NEGR1: variants seen among roughly 807,000 people sequenced by gnomAD.
The protein encoded by NEGR1 is IgLON family member 4.
NEGR1 carries 10 observed loss-of-function variants against 40.9 expected under a neutral mutation model. The observed-to-expected ratio is 0.24, with a 90% CI of 0.15 to 0.42. The LOEUF (loss-of-function observed/expected upper bound fraction) is 0.42, where lower values mean the gene tolerates loss of function less well. NEGR1 is among the 10% of genes least tolerant of loss of function. The probability of loss-of-function intolerance (pLI) is 1.00; values close to 1 mark genes in which losing one functional copy is unlikely to be tolerated. For synonymous variants in NEGR1, 185 were observed against 166.8 expected (o/e 1.11, Z -0.84); for missense variants, 352 against 438.9 (o/e 0.80, Z 1.77).
intron 1 of NEGR1, among the ~76,000 whole-genome samples, chr1:72,014,819 T>C (rs1183623154): frequency 6.6e-6 from 1 of 152,050 alleles, no homozygotes; most frequent in Non-Finnish European, 1.5e-5. Context: ...TATTTATTTA[T>C]CCACAAACAA....
chr1:72,114,256 G>T (rs1649496474), intron 1 of NEGR1, among the ~76,000 whole-genome samples: 1 of 151,302 alleles, frequency 6.6e-6, no homozygotes. Flanking sequence ...CATTCAATGG[G>T]TTAAAGGCCT....
At chr1:71,448,611 A>C (rs933178673) in intron 6 of NEGR1, among the ~76,000 whole-genome samples, 1 of 152,058 alleles carries the variant, frequency 6.6e-6, no homozygotes, top group African/African-American at 2.4e-5. Context: ...AGAAAAAAAA[A>C]ATGTCGCTGA....
intron 1 of NEGR1, among the ~76,000 whole-genome samples, chr1:72,169,147 T>G (rs548543646): frequency 6.6e-6 from 1 of 152,220 alleles, no homozygotes; most frequent in South Asian, 2.1e-4. Context: ...AGTTGGAAAA[T>G]TCAAGGAGTC....
At chr1:71,742,774 T>A (rs1655255781) in intron 3 of NEGR1, among the ~76,000 whole-genome samples, 1 of 152,186 alleles carries the variant, frequency 6.6e-6, no homozygotes, top group African/African-American at 2.4e-5. Flanking sequence ...GTGTTGATGT[T>A]GGAACACATC....
intron 1 of NEGR1, among the ~76,000 whole-genome samples, chr1:72,156,185 T>C (rs1469976025): frequency 6.6e-6 from 1 of 152,180 alleles, no homozygotes; most frequent in Non-Finnish European, 1.5e-5. Context: ...ATGTAACGTG[T>C]TCTGACTCTA....
At chr1:71,634,661 C>G (rs998426725) in intron 4 of NEGR1, among the ~76,000 whole-genome samples, 2 of 152,036 alleles carry the variant, frequency 1.3e-5, no homozygotes, top group South Asian at 4.1e-4. Flanking sequence ...GAAGGGGTAA[C>G]CTTGGAAACA....
intron 1 of NEGR1, among the ~76,000 whole-genome samples, chr1:72,100,235 G>A (rs956282252): frequency 1.2e-4 from 19 of 152,012 alleles, no homozygotes; most frequent in Admixed American, 1.1e-3. Flanking sequence ...ATTTTAAAAC[G>A]TCCCCATGGA....
chr1:71,958,334 A>G lies in NEGR1; in HGVS notation c.177-23023T>C, dbSNP rs182553000. 2.6e-3 allele frequency among the ~76,000 whole-genome samples: 390 copies of G among 152,340 alleles called. 1 individual carries two copies. Among genetic ancestry groups the G allele is most frequent in the South Asian group, 6.8e-3 (33 of 4,832 alleles). On this transcript the variant is annotated intron_variant, in intron 1 of 6. Transcript: ENST00000357731. Reference sequence around the variant, plus strand: ...GATTTCAAAATATATATTCATCTGCATCAGTATGTTAACTTAACCAGACAT... The same window carrying G: ...GATTTCAAAATATATATTCATCTGCGTCAGTATGTTAACTTAACCAGACAT...
At chr1:71,529,971 T>C (rs1647302682) in intron 6 of NEGR1, among the ~76,000 whole-genome samples, 1 of 151,244 alleles carries the variant, frequency 6.6e-6, no homozygotes, top group Admixed American at 6.6e-5. Flanking sequence ...GCATAAGTTA[T>C]GACTTCAGGA....
intron 1 of NEGR1, among the ~76,000 whole-genome samples, chr1:72,270,054 A>C (rs1032341042): frequency 6.6e-6 from 1 of 151,816 alleles, no homozygotes; most frequent in East Asian, 1.9e-4. Flanking sequence ...TTACAAGATA[A>C]TGAGAAAGGC....
chr1:71,881,079 C>T (rs1468076725), intron 2 of NEGR1, among the ~76,000 whole-genome samples: 1 of 151,880 alleles, frequency 6.6e-6, no homozygotes, highest in African/African-American at 2.4e-5. Flanking sequence ...CACTTTTTAC[C>T]TACACAGGAT....
At chr1:72,187,753 A>T (rs1652664378) in intron 1 of NEGR1, among the ~76,000 whole-genome samples, 1 of 151,448 alleles carries the variant, frequency 6.6e-6, no homozygotes, top group African/African-American at 2.4e-5. Flanking sequence ...TCCTATATTG[A>T]TGCATGATCT....
chr1:71,778,284 T>A (rs1453353327), intron 2 of NEGR1, among the ~76,000 whole-genome samples: 2 of 152,064 alleles, frequency 1.3e-5, no homozygotes, highest in African/African-American at 4.8e-5. Context: ...TAATATCCAT[T>A]CAGTAGAAAG....
At chr1:71,816,640 T>C (rs965909934) in intron 2 of NEGR1, among the ~76,000 whole-genome samples, 6 of 152,074 alleles carry the variant, frequency 3.9e-5, no homozygotes, top group Non-Finnish European at 8.8e-5. Context: ...GTGGGGATTA[T>C]GGGAGCTACA....
chr1:71,675,888 G>C (rs1158166305), intron 4 of NEGR1, among the ~76,000 whole-genome samples: 1 of 151,784 alleles, frequency 6.6e-6, no homozygotes, highest in Non-Finnish European at 1.5e-5. Flanking sequence ...TGCTGCCTCT[G>C]ACCTCCTGGT....
intron 4 of NEGR1, among the ~76,000 whole-genome samples, chr1:71,687,890 CTTCCATGAA>C (rs1277245661): frequency 1.3e-5 from 2 of 152,146 alleles, no homozygotes; most frequent in African/African-American, 4.8e-5. Context: ...ATTCTTAGCC[CTTCCATGAA>C]TTCCATGAAT....
intron 1 of NEGR1, among the ~76,000 whole-genome samples, chr1:72,029,504 G>T (rs957574244): frequency 6.6e-6 from 1 of 152,118 alleles, no homozygotes; most frequent in African/African-American, 2.4e-5. Flanking sequence ...GATCATTAAC[G>T]ATCTATCCAG....
chr1:71,907,123 G>A (rs1486432945), intron 2 of NEGR1, among the ~76,000 whole-genome samples: 1 of 152,238 alleles, frequency 6.6e-6, no homozygotes, highest in East Asian at 1.9e-4. Flanking sequence ...GATTATCAAT[G>A]TTTACAAGAG....
chr1:71,655,043 C>T (rs1173781968), intron 4 of NEGR1, among the ~76,000 whole-genome samples: 3 of 152,082 alleles, frequency 2.0e-5, no homozygotes, highest in Admixed American at 6.6e-5. Context: ...TTTTTGGCCA[C>T]GTCCAATTGA....
Sources: gnomAD v4.1 joint callset for allele counts (sites outside exome capture counted in the v4.1 genomes callset) on GRCh38, gnomAD v4.1.1 for gene constraint, MANE v1.5 for transcripts, NCBI Gene and HGNC (gene_info 2026-07-23, HGNC 2026-07-21) for gene names.